Variants in EBF2 observed in about 807,000 individuals in gnomAD.
The protein encoded by EBF2 is transcription factor COE2.
EBF2 carries 21 observed loss-of-function variants against 72.8 expected under a neutral mutation model. The observed-to-expected ratio is 0.29, with a 90% confidence interval of 0.20 to 0.42. The LOEUF (loss-of-function observed/expected upper bound fraction) is 0.42. EBF2 is among the 10% of genes least tolerant of loss of function. The pLI, the probability that EBF2 is intolerant of heterozygous loss-of-function variation, is 1.00. For synonymous variants in EBF2, 299 were observed against 274.2 expected (o/e 1.09, Z -0.89); for missense variants, 637 against 731.2 (o/e 0.87, Z 1.49).
chr8:25,949,919 G>T (rs939299541), intron 6 of EBF2, among the ~76,000 whole-genome samples: 1 of 152,188 alleles, frequency 6.6e-6, no homozygotes, highest in Non-Finnish European at 1.5e-5. Context: ...TTTTAAATCA[G>T]GTAAGGGCTA....
intron 6 of EBF2, among the ~76,000 whole-genome samples, chr8:25,970,982 G>A (rs965831815): frequency 6.6e-6 from 1 of 152,162 alleles, no homozygotes; most frequent in Non-Finnish European, 1.5e-5. Flanking sequence ...ACAGGCACAT[G>A]CCACCATGCC....
In EBF2 at chr8:25,948,232, C is replaced by T. The variant is rs547857962; in HGVS notation, c.552-39677G>A. Among the ~76,000 whole-genome samples the T allele has an allele frequency of 2.2e-4, 33 of 152,218 alleles. No individual in the cohort carries two copies. In the South Asian group the frequency reaches 6.6e-3, roughly 31 times the overall value. On this transcript the variant is annotated intron_variant, in intron 6 of 15. Transcript: ENST00000520164. Reference sequence around the variant, plus strand: ...AGAAACCAAAAATGACAAGGTGCACCGTCTTTCCTGCCGCATACCTCCACC... The same window carrying T: ...AGAAACCAAAAATGACAAGGTGCACTGTCTTTCCTGCCGCATACCTCCACC...
intron 7 of EBF2, among the ~76,000 whole-genome samples, chr8:25,907,492 C>T (rs986478721): frequency 7.3e-6 from 1 of 137,730 alleles, no homozygotes; most frequent in Admixed American, 7.5e-5. Context: ...AAAAGATAAA[C>T]CTAGCAGCTG....
In EBF2 at chr8:25,844,474, G is replaced by T; in HGVS notation, c.*135C>A. On this transcript the variant is annotated 3_prime_UTR_variant, in exon 16 of 16. Coordinates refer to ENST00000520164, the MANE Select transcript of EBF2 (RefSeq NM_022659.4). The stretch of plus-strand genomic sequence containing the variant: ...GGACGTGGGACCAAGTAAGATGCTG[G>T]CTCCTTGCAGACCCAAGGGTGTCCA... The T allele has an allele frequency of 1.1e-6, 1 of 941,448 alleles. No homozygotes were observed. The allele number at this position is 941,448 out of a possible 1,614,324, so 58.3% of individuals were successfully genotyped here.
chr8:26,035,129 A>C (rs1035236867), intron 5 of EBF2, among the ~76,000 whole-genome samples: 2 of 136,416 alleles, frequency 1.5e-5, no homozygotes, highest in Non-Finnish European at 3.1e-5. Context: ...GCCTAGCACC[A>C]ACCCAGTCTT....
intron 6 of EBF2, chr8:26,032,405 G>GA (rs1052675072): frequency 4.6e-5 from 7 of 151,694 alleles, no homozygotes; most frequent in African/African-American, 1.7e-4. Flanking sequence ...TAACGAAAGA[G>GA]AAAAAAATTA....
At chr8:25,907,866 G>T (rs1803064205) in intron 7 of EBF2, among the ~76,000 whole-genome samples, 1 of 152,140 alleles carries the variant, frequency 6.6e-6, no homozygotes. Context: ...TCTTGCTTTC[G>T]TCTCCAGCCT....
intron 1 of EBF2, 32 bp from the exon 2 acceptor site, chr8:26,042,283 A>ACAC: frequency 6.3e-7 from 1 of 1,594,814 alleles, no homozygotes; most frequent in South Asian, 1.1e-5. Flanking sequence ...GGAACACAAG[A>ACAC]CACGGGGAAG....
chr8:25,964,558 A>G (rs935869037), intron 6 of EBF2, among the ~76,000 whole-genome samples: 1 of 152,216 alleles, frequency 6.6e-6, no homozygotes, highest in South Asian at 2.1e-4. Context: ...TGTAATCTCT[A>G]GAGACAGTTC....
chr8:25,879,231 TA>T (rs990946371), intron 10 of EBF2, among the ~76,000 whole-genome samples: 72 of 152,220 alleles, frequency 4.7e-4, no homozygotes, highest in Non-Finnish European at 8.2e-4. Context: ...GCCTTTCATG[TA>T]AATAAATATC....
intron 14 of EBF2, among the ~76,000 whole-genome samples, chr8:25,853,465 C>T (rs113405943): frequency 3.2e-4 from 49 of 151,442 alleles, no homozygotes; most frequent in Middle Eastern, 3.4e-3. Flanking sequence ...CTAATTAAAA[C>T]GGTAAAAAGA....
chr8:25,956,770 C>A (rs1803955452), intron 6 of EBF2, among the ~76,000 whole-genome samples: 1 of 152,218 alleles, frequency 6.6e-6, no homozygotes, highest in Admixed American at 6.5e-5. Context: ...TTAATATTCA[C>A]CCACCATCCA....
At chr8:26,034,877 G>C (rs1256489924) in intron 5 of EBF2, among the ~76,000 whole-genome samples, 1 of 152,212 alleles carries the variant, frequency 6.6e-6, no homozygotes, top group Non-Finnish European at 1.5e-5. Context: ...GAAGATTGCT[G>C]AACTGGGAAT....
At chr8:26,020,577 A>C (rs903760471) in intron 6 of EBF2, among the ~76,000 whole-genome samples, 5 of 152,220 alleles carry the variant, frequency 3.3e-5, no homozygotes, top group Admixed American at 6.5e-5. Flanking sequence ...AATGGATAGA[A>C]AGCAAGGGAG....
chr8:25,864,799 ATTT>A (rs568818867), intron 10 of EBF2, among the ~76,000 whole-genome samples: 16 of 138,016 alleles, frequency 1.2e-4, no homozygotes, highest in African/African-American at 3.7e-4. Flanking sequence ...TTTCTCAACT[ATTT>A]TTTTTTTTTT....
At chr8:26,005,544 A>T (rs1295275538) in intron 6 of EBF2, among the ~76,000 whole-genome samples, 49 of 34,346 alleles carry the variant, frequency 1.4e-3, no homozygotes, top group African/African-American at 4.5e-3. Context: ...TATATATTTT[A>T]TATATATATA....
At chr8:25,929,713 C>CTT (rs1803450005) in intron 6 of EBF2, among the ~76,000 whole-genome samples, 1 of 152,182 alleles carries the variant, frequency 6.6e-6, no homozygotes, top group Admixed American at 6.5e-5. Flanking sequence ...CGTCTAAACA[C>CTT]ACATGAGTAA....
chr8:25,857,292 C>G (rs909176039), intron 14 of EBF2, among the ~76,000 whole-genome samples: 1 of 151,906 alleles, frequency 6.6e-6, no homozygotes, highest in Non-Finnish European at 1.5e-5. Context: ...AACTGATAAT[C>G]CAGAAATAGC....
intron 10 of EBF2, among the ~76,000 whole-genome samples, chr8:25,867,629 C>T (rs1802357025): frequency 6.6e-6 from 1 of 152,202 alleles, no homozygotes; most frequent in South Asian, 2.1e-4. Context: ...TGGGCAACTT[C>T]ATCAATTCTC....
Sources: gnomAD v4.1 joint callset for allele counts (sites outside exome capture counted in the v4.1 genomes callset) on GRCh38, gnomAD v4.1.1 for gene constraint, MANE v1.5 for transcripts, NCBI Gene and HGNC (gene_info 2026-07-23, HGNC 2026-07-21) for gene names.